KIF9: variants seen among roughly 807,000 people sequenced by gnomAD.
KIF9 encodes kinesin family member 9.
Under a neutral mutation model 94.8 loss-of-function variants are expected in KIF9, and 68 were observed. The observed-to-expected ratio is 0.72, with a 90% CI of 0.59 to 0.88. The LOEUF (loss-of-function observed/expected upper bound fraction) is 0.88. KIF9 is among the 40% of genes least tolerant of loss of function. KIF9 has a pLI of 0.00. For missense variants in KIF9, 882 were observed against 982.5 expected (o/e 0.90, Z 1.37); for synonymous variants, 343 against 362.1 (o/e 0.95, Z 0.60).
chr3:47,278,051 G>A (rs966178348), intron 1 of KIF9, among the ~76,000 whole-genome samples: 1 of 151,840 alleles, frequency 6.6e-6, no homozygotes, highest in Non-Finnish European at 1.5e-5. Context: ...TATAAATAAA[G>A]GAAGACATAG....
chr3:47,281,915 G>C lies in KIF9; in HGVS notation c.-6+580C>G, dbSNP rs551214408. Among the ~76,000 whole-genome samples the C allele has an allele frequency of 3.9e-5, 6 of 152,358 alleles. No individual in the cohort carries two copies. The East Asian group carries it at 9.7e-4, about 25-fold the overall frequency. On this transcript the variant is annotated intron_variant, in intron 1 of 20. Transcript: ENST00000684063. Reference sequence around the variant, plus strand: ...TCTTCCAGTGCTCCCGTCCAGATGAGGGGCTGTCATGGGGAACCCTCATAG... The same window carrying C: ...TCTTCCAGTGCTCCCGTCCAGATGACGGGCTGTCATGGGGAACCCTCATAG...
intron 9 of KIF9, among the ~76,000 whole-genome samples, chr3:47,260,804 G>T (rs374088770): frequency 1.3e-5 from 2 of 152,310 alleles, no homozygotes; most frequent in East Asian, 3.9e-4. Flanking sequence ...CTAGTGCCTG[G>T]GTGGGGCCTG....
intron 20 of KIF9, among the ~76,000 whole-genome samples, chr3:47,234,393 C>A (rs950090272): frequency 2.6e-5 from 4 of 151,938 alleles, no homozygotes; most frequent in African/African-American, 9.7e-5. Context: ...GCTGCCACAC[C>A]CAGCTAAGTT....
chr3:47,228,748 G>C (rs745706810), intron 20 of KIF9, 46 bp from the exon 21 acceptor site: 2 of 1,502,982 alleles, frequency 1.3e-6, no homozygotes, highest in Non-Finnish European at 9.3e-7. Context: ...AGGAGGGACA[G>C]ACATAGCAGG....
chr3:47,257,068 C>G lies in KIF9; in HGVS notation c.1059+415G>C, dbSNP rs576167493. ...ACCTTTGTTCACTTGTTTATCTGCTCACCTTCCCTCCACTATGGTCCTATG... is the reference window on the plus strand; with the variant it reads ...ACCTTTGTTCACTTGTTTATCTGCTGACCTTCCCTCCACTATGGTCCTATG... On this transcript the variant is annotated intron_variant, in intron 10 of 20. Transcript: ENST00000684063. 4.7e-3 allele frequency among the ~76,000 whole-genome samples: 719 copies of G among 152,188 alleles called. 3 individuals carry two copies. The highest frequency in any genetic ancestry group is 7.2e-3 in the Non-Finnish European group (492 of 68,012).
At chr3:47,249,503 A>G (rs1167710217) in intron 10 of KIF9, among the ~76,000 whole-genome samples, 1 of 152,114 alleles carries the variant, frequency 6.6e-6, no homozygotes, top group African/African-American at 2.4e-5. Context: ...TTGTACTCAT[A>G]TATTTATGTC....
chr3:47,236,710 C>A, intron 17 of KIF9, 91 bp from the exon 18 acceptor site: 2 of 1,185,568 alleles, frequency 1.7e-6, no homozygotes, highest in East Asian at 2.4e-5. Context: ...ACAGAGCTGG[C>A]AAATCATGAA....
At chr3:47,250,886 C>A (rs1700232123) in intron 10 of KIF9, among the ~76,000 whole-genome samples, 1 of 152,234 alleles carries the variant, frequency 6.6e-6, no homozygotes, top group Non-Finnish European at 1.5e-5. Flanking sequence ...TGTATTCTAG[C>A]CCTCATCCAA....
At chr3:47,276,061 TCAG>T (rs1482054426) in intron 2 of KIF9, among the ~76,000 whole-genome samples, 4 of 152,168 alleles carry the variant, frequency 2.6e-5, no homozygotes, top group Admixed American at 6.5e-5. Context: ...GAGGGTGTCA[TCAG>T]CAGATTTTTA....
chr3:47,252,911 G>C (rs1002800105), intron 10 of KIF9, among the ~76,000 whole-genome samples: 2 of 151,968 alleles, frequency 1.3e-5, no homozygotes, highest in Non-Finnish European at 2.9e-5. Context: ...TACTTAGGAG[G>C]CTGAGGCAGG....
intron 10 of KIF9, chr3:47,248,339 G>A (rs1700059137): frequency 2.1e-6 from 1 of 473,982 alleles, no homozygotes. Flanking sequence ...AGAAGAGACA[G>A]CACAAGCCAC....
At chr3:47,269,664 T>C (rs58472056) in intron 5 of KIF9, among the ~76,000 whole-genome samples, 50,788 of 151,432 alleles carry the variant, frequency 0.34, 8,801 homozygotes, top group Middle Eastern at 0.47. Flanking sequence ...TGCAATGGCT[T>C]AATCTCAGCT....
Position 47,264,349 on chromosome 3 carries a change from C to A in KIF9, c.918G>T (p.Gly306=). 1 of 1,613,288 alleles carries A rather than the reference C, an allele frequency of 6.2e-7. No individual in the cohort carries two copies. Among genetic ancestry groups the A allele is most frequent in the South Asian group, 1.1e-5 (1 of 91,064 alleles). ...TCACGAGGACCATATTGCAGTTTCC[C>A]CCTGCGGAAAGCAAGACACAGAAGG... ...KLTHALKDSL[G]GNCNMVLVTN... The change falls in exon 9 of 21, where the codon GGG becomes GGT. Residue 306 remains glycine (G), a splice_region_variant and synonymous_variant. Coordinates refer to ENST00000684063, the MANE Select transcript of KIF9 (RefSeq NM_182902.4).
chr3:47,260,178 T>G (rs1250987760), intron 9 of KIF9, among the ~76,000 whole-genome samples: 1 of 131,338 alleles, frequency 7.6e-6, no homozygotes, highest in Non-Finnish European at 1.6e-5. Context: ...TGTTTATGTG[T>G]ATGCATATCT....
chr3:47,242,903 G>A, intron 16 of KIF9, 148 bp downstream of exon 16: 1 of 619,748 alleles, frequency 1.6e-6, no homozygotes, highest in Non-Finnish European at 2.6e-6. Flanking sequence ...AGATGCATAA[G>A]TCATGTTTCT....
rs980320329 is a variant in KIF9, at chr3:47,265,801, A to G, written c.845T>C (p.Leu282Pro). The change falls in exon 8 of 21, where the codon CTT becomes CCT. Residue 282 changes from leucine to proline, a missense_variant. By Grantham distance (98) the Leu-to-Pro change is moderately conservative. Transcript: ENST00000684063. Reference sequence around the variant, plus strand: ...GATGTGGTCCCGCTTCTGGTCCCCAAGGGCAATGATGGCCTGCTCCAGGAA... The same window carrying G: ...GATGTGGTCCCGCTTCTGGTCCCCAGGGGCAATGATGGCCTGCTCCAGGAA... ...LSFLEQAIIA[L>P]GDQKRDHIPF... 1.2e-6 allele frequency: 2 copies of G among 1,614,068 alleles called. No individual in the cohort carries two copies. The highest frequency in any genetic ancestry group is 2.7e-5 in the African/African-American group (2 of 74,930).
chr3:47,264,432 G>C, intron 8 of KIF9, 82 bp from the exon 9 acceptor site: 3 of 1,115,290 alleles, frequency 2.7e-6, no homozygotes, highest in Non-Finnish European at 1.4e-6. Context: ...GTTATATACT[G>C]AATGCTTTTT....
At chr3:47,270,897 G>A (rs540651503) in intron 5 of KIF9, among the ~76,000 whole-genome samples, 1 of 148,504 alleles carries the variant, frequency 6.7e-6, no homozygotes, top group South Asian at 2.1e-4. Flanking sequence ...CCTGCACTTT[G>A]AGAGGCCGAA....
In KIF9 at chr3:47,282,501, C is replaced by G; in HGVS notation, c.-12G>C. 1 of 995,248 alleles carries G rather than the reference C, an allele frequency of 1.0e-6. No homozygotes were observed. Among genetic ancestry groups the G allele is most frequent in the Non-Finnish European group, 1.2e-6 (1 of 835,162 alleles). The allele number at this position is 995,248 out of a possible 1,614,324, so 61.7% of individuals were successfully genotyped here. ...GCGAGCAGCCCCTGCTCACCGTTCA[C>G]CAGGCAGCGACGCTCCCGGGACGCG... On this transcript the variant is annotated 5_prime_UTR_variant, in exon 1 of 21. Transcript: ENST00000684063.
Sources: gnomAD v4.1 joint callset for allele counts (sites outside exome capture counted in the v4.1 genomes callset) on GRCh38, gnomAD v4.1.1 for gene constraint, MANE v1.5 for transcripts, NCBI Gene and HGNC (gene_info 2026-07-23, HGNC 2026-07-21) for gene names.